Variants in NCKAP5 observed in about 807,000 individuals in gnomAD.
The protein encoded by NCKAP5 is nck-associated protein 5.
Under a neutral mutation model 167.0 loss-of-function variants are expected in NCKAP5, and 92 were observed. That is an observed-to-expected ratio of 0.55 (90% CI 0.47 to 0.66). The LOEUF is 0.66. NCKAP5 is among the 30% of genes least tolerant of loss of function. The pLI, the probability that NCKAP5 is intolerant of heterozygous loss-of-function variation, is 0.00. For synonymous variants in NCKAP5, 891 were observed against 877.4 expected (o/e 1.02, Z -0.27); for missense variants, 2,378 against 2,315.0 (o/e 1.03, Z -0.56).
chr2:132,853,944 T>C (rs1265774249), intron 11 of NCKAP5, among the ~76,000 whole-genome samples: 2 of 152,214 alleles, frequency 1.3e-5, no homozygotes, highest in African/African-American at 4.8e-5. Context: ...CACTCCCTTC[T>C]GCTCTTCCCT....
chr2:133,239,333 A>G (rs1341708287), intron 4 of NCKAP5, among the ~76,000 whole-genome samples: 1 of 152,176 alleles, frequency 6.6e-6, no homozygotes, highest in African/African-American at 2.4e-5. Flanking sequence ...CTGCTAGCCC[A>G]TTTATTTAGA....
intron 3 of NCKAP5, among the ~76,000 whole-genome samples, chr2:133,488,872 TGCCACTGCA>T (rs1275914558): frequency 6.6e-6 from 1 of 152,136 alleles, no homozygotes; most frequent in African/African-American, 2.4e-5. Flanking sequence ...GCTGAGATTG[TGCCACTGCA>T]CTCCAGTGGG....
chr2:133,422,371 T>C (rs1559472613), intron 3 of NCKAP5, among the ~76,000 whole-genome samples: 1 of 152,210 alleles, frequency 6.6e-6, no homozygotes, highest in Non-Finnish European at 1.5e-5. Context: ...TGTTGTTTTT[T>C]TGTTTTTTGG....
chr2:133,121,048 G>A (rs2082234603), intron 6 of NCKAP5, among the ~76,000 whole-genome samples: 2 of 152,096 alleles, frequency 1.3e-5, no homozygotes, highest in African/African-American at 2.4e-5. Context: ...TGGATAGGCA[G>A]CGACCTTTAA....
chr2:133,441,939 T>C (rs1298480966), intron 3 of NCKAP5, among the ~76,000 whole-genome samples: 1 of 152,240 alleles, frequency 6.6e-6, no homozygotes, highest in Admixed American at 6.5e-5. Flanking sequence ...ATCATTCTTT[T>C]TTTTCATTCC....
intron 13 of NCKAP5, among the ~76,000 whole-genome samples, chr2:132,786,473 T>C (rs1683577703): frequency 6.6e-6 from 1 of 152,210 alleles, no homozygotes; most frequent in Non-Finnish European, 1.5e-5. Flanking sequence ...CAGCTGGGCA[T>C]TCGCTGTTAG....
Position 132,994,375 on chromosome 2 carries a change from T to G in NCKAP5, c.342-136A>C, listed in dbSNP as rs567279707. The G allele has an allele frequency of 4.7e-6, 3 of 636,696 alleles. No homozygotes were observed. The African/African-American group carries it at 5.5e-5, about 12-fold the overall frequency. The allele number at this position is 636,696 out of a possible 1,614,324, so 39.4% of individuals were successfully genotyped here. A position where few individuals can be genotyped will look rare whatever the true frequency, so the allele number is the denominator to read the frequency against. ...AAATCTCTTTTCTCTCTACTTCATC[T>G]TCTATCAGTTATCTGTCATGAAGTC... On this transcript the variant is annotated intron_variant, in intron 6 of 19. Transcript: ENST00000409261.
intron 8 of NCKAP5, among the ~76,000 whole-genome samples, chr2:132,906,100 G>A (rs1401704114): frequency 6.6e-6 from 1 of 152,136 alleles, no homozygotes; most frequent in African/African-American, 2.4e-5. Flanking sequence ...TTTTCCAAGA[G>A]TTTGAAACAA....
intron 6 of NCKAP5, among the ~76,000 whole-genome samples, chr2:133,021,667 T>A (rs1415164844): frequency 6.6e-6 from 1 of 152,228 alleles, no homozygotes; most frequent in Non-Finnish European, 1.5e-5. Flanking sequence ...AGTCTTGCTC[T>A]GTCGCCCAGG....
At chr2:133,197,678 T>C (rs1281327957) in intron 5 of NCKAP5, among the ~76,000 whole-genome samples, 5 of 151,942 alleles carry the variant, frequency 3.3e-5, no homozygotes, top group Admixed American at 2.6e-4. Context: ...CAGCTGGGCA[T>C]GATGGCTCAT....
intron 4 of NCKAP5, among the ~76,000 whole-genome samples, chr2:133,220,445 C>T (rs923711742): frequency 2.0e-5 from 3 of 152,178 alleles, no homozygotes; most frequent in African/African-American, 7.2e-5. Flanking sequence ...TCTTCTTACT[C>T]AATTTTATAT....
intron 3 of NCKAP5, among the ~76,000 whole-genome samples, chr2:133,309,738 G>C (rs994906523): frequency 6.6e-6 from 1 of 152,150 alleles, no homozygotes; most frequent in Non-Finnish European, 1.5e-5. Flanking sequence ...CATTTAATGT[G>C]AATCTCCTAT....
At chr2:133,333,399 T>C (rs1397978600) in intron 3 of NCKAP5, among the ~76,000 whole-genome samples, 1 of 152,166 alleles carries the variant, frequency 6.6e-6, no homozygotes, top group Non-Finnish European at 1.5e-5. Context: ...GAAGCCTGGC[T>C]TGGGGCCTTT....
At chr2:133,573,500 C>A in the NCKAP5 span, among the ~76,000 whole-genome samples, 1 of 152,184 alleles carries the variant, frequency 6.6e-6, no homozygotes, top group East Asian at 1.9e-4. Context: ...CTACCTGGAA[C>A]CTGCCATGGA....
At chr2:132,874,454 C>A (rs1691107036) in intron 9 of NCKAP5, among the ~76,000 whole-genome samples, 1 of 152,052 alleles carries the variant, frequency 6.6e-6, no homozygotes, top group South Asian at 2.1e-4. Context: ...GTAGGATATG[C>A]CTGAGAGTGT....
intron 3 of NCKAP5, among the ~76,000 whole-genome samples, chr2:133,447,865 TA>T (rs1404699476): frequency 6.6e-6 from 1 of 152,114 alleles, no homozygotes; most frequent in Non-Finnish European, 1.5e-5. Context: ...CAGGGTTCTC[TA>T]AAGATTAGCC....
At chr2:133,508,183 T>A (rs6430424) in intron 3 of NCKAP5, among the ~76,000 whole-genome samples, 83,284 of 151,954 alleles carry the variant, frequency 0.55, 23,689 homozygotes, top group East Asian at 0.86. Flanking sequence ...CAATTTCTCA[T>A]GTATAAGCCA....
At chr2:132,959,251 T>G (rs6725005) in intron 8 of NCKAP5, among the ~76,000 whole-genome samples, 7,413 of 152,164 alleles carry the variant, frequency 0.049, 550 homozygotes, top group African/African-American at 0.17. Context: ...CATCATTTCA[T>G]GGAAAGGTAT....
intron 19 of NCKAP5, among the ~76,000 whole-genome samples, chr2:132,705,732 G>A (rs1215567315): frequency 6.6e-6 from 1 of 152,158 alleles, no homozygotes; most frequent in African/African-American, 2.4e-5. Flanking sequence ...AATACTTGAT[G>A]CCCACATTTT....
Sources: gnomAD v4.1 joint callset for allele counts (sites outside exome capture counted in the v4.1 genomes callset) on GRCh38, gnomAD v4.1.1 for gene constraint, MANE v1.5 for transcripts, NCBI Gene and HGNC (gene_info 2026-07-23, HGNC 2026-07-21) for gene names.